DTD1: variants seen among roughly 807,000 people sequenced by gnomAD.
DTD1 encodes D-aminoacyl-tRNA deacylase 1.
A neutral mutation model predicts 25.6 loss-of-function variants in DTD1; 13 were observed. The observed-to-expected ratio is 0.51, with a 90% CI of 0.33 to 0.81. DTD1 has a LOEUF of 0.81. DTD1 is among the 30% of genes least tolerant of loss of function. The pLI is 0.02. For missense variants in DTD1, 193 were observed against 266.4 expected (o/e 0.72, Z 1.92); for synonymous variants, 110 against 103.6 (o/e 1.06, Z -0.37).
intron 2 of DTD1, among the ~76,000 whole-genome samples, chr20:18,595,087 T>C (rs1185310372): frequency 6.6e-6 from 1 of 152,228 alleles, no homozygotes; most frequent in Admixed American, 6.5e-5. Flanking sequence ...AATCTGACCC[T>C]ATAGATGTCA....
chr20:18,656,381 A>G (rs4814770), intron 4 of DTD1, among the ~76,000 whole-genome samples: 47,296 of 152,076 alleles, frequency 0.31, 8,146 homozygotes, highest in South Asian at 0.43. Flanking sequence ...AATAAAAGTT[A>G]ATTTTGCTAA....
intron 4 of DTD1, among the ~76,000 whole-genome samples, chr20:18,708,244 A>ATATATTTTTT (rs370120832): frequency 2.4e-5 from 1 of 41,422 alleles, no homozygotes; most frequent in Non-Finnish European, 3.8e-5. Flanking sequence ...ATATATATAT[A>ATATATTTTTT]ATATATATTA....
At chr20:18,679,319 C>A (rs1231034940) in intron 4 of DTD1, among the ~76,000 whole-genome samples, 1 of 152,136 alleles carries the variant, frequency 6.6e-6, no homozygotes, top group Non-Finnish European at 1.5e-5. Flanking sequence ...ACAAGGTTCC[C>A]TCATAAAGCG....
intron 5 of DTD1, among the ~76,000 whole-genome samples, chr20:18,759,803 TCTC>T: frequency 6.6e-6 from 1 of 152,330 alleles, no homozygotes; most frequent in South Asian, 2.1e-4. Flanking sequence ...TTGGGGAAGT[TCTC>T]CTGGATAATA....
At chr20:18,664,801 C>T (rs2060925234) in intron 4 of DTD1, among the ~76,000 whole-genome samples, 1 of 152,098 alleles carries the variant, frequency 6.6e-6, no homozygotes, top group Admixed American at 6.5e-5. Context: ...GGCCCAGGGG[C>T]TCCTGCTGGT....
chr20:18,603,711 G>A (rs1471728135), intron 3 of DTD1, among the ~76,000 whole-genome samples: 1 of 133,404 alleles, frequency 7.5e-6, no homozygotes, highest in Admixed American at 8.1e-5. Context: ...AAATAAAGAC[G>A]TTCTTTGAAA....
chr20:18,588,193 T>C (rs928352136), intron 1 of DTD1, 78 bp downstream of exon 1: 24 of 1,175,996 alleles, frequency 2.0e-5, no homozygotes, highest in Non-Finnish European at 2.4e-5. Flanking sequence ...GGGGTCTTCC[T>C]GCGCCATCCT....
At chr20:18,753,324 T>C (rs2122532877) in intron 5 of DTD1, among the ~76,000 whole-genome samples, 1 of 152,184 alleles carries the variant, frequency 6.6e-6, no homozygotes, top group East Asian at 1.9e-4. Context: ...AAGATTGACA[T>C]TGGCTGGGTG....
intron 4 of DTD1, among the ~76,000 whole-genome samples, chr20:18,633,768 C>T (rs186202095): frequency 6.6e-6 from 1 of 152,300 alleles, no homozygotes; most frequent in East Asian, 1.9e-4. Context: ...TTTCAAGAAT[C>T]TCAGAGCTCT....
intron 4 of DTD1, among the ~76,000 whole-genome samples, chr20:18,714,866 A>G (rs2061174073): frequency 6.6e-6 from 1 of 152,154 alleles, no homozygotes; most frequent in Non-Finnish European, 1.5e-5. Context: ...CCAAGGAGAA[A>G]CTGGGTGCCG....
intron 4 of DTD1, among the ~76,000 whole-genome samples, chr20:18,649,762 C>T (rs1047814752): frequency 3.9e-5 from 6 of 152,156 alleles, no homozygotes; most frequent in Non-Finnish European, 8.8e-5. Flanking sequence ...AACCCCCATG[C>T]GTTGTGGGCC....
chr20:18,722,704 G>T (rs564922216), intron 4 of DTD1, among the ~76,000 whole-genome samples: 3 of 152,286 alleles, frequency 2.0e-5, no homozygotes, highest in Non-Finnish European at 4.4e-5. Flanking sequence ...TAAAATAAGA[G>T]ACATCATAGC....
intron 4 of DTD1, among the ~76,000 whole-genome samples, chr20:18,656,561 G>A (rs1345827128): frequency 2.0e-5 from 3 of 152,204 alleles, no homozygotes; most frequent in Admixed American, 2.0e-4. Context: ...GAGGCTGGCA[G>A]GTAACACGAA....
intron 1 of DTD1, among the ~76,000 whole-genome samples, 193 bp downstream of exon 1, chr20:18,588,308 G>T (rs2063213801): frequency 6.6e-6 from 1 of 152,028 alleles, no homozygotes; most frequent in African/African-American, 2.4e-5. Flanking sequence ...CGGCCGGAGA[G>T]CCCCCTGCAC....
chr20:18,634,728 G>A (rs2060800742), intron 4 of DTD1, among the ~76,000 whole-genome samples: 1 of 152,166 alleles, frequency 6.6e-6, no homozygotes, highest in South Asian at 2.1e-4. Flanking sequence ...GGGTAAGGGG[G>A]TGTGGGGGAA....
chr20:18,719,225 GTGTGTGTGTGTATATATATA>G (rs2061193337), intron 4 of DTD1, among the ~76,000 whole-genome samples: 1 of 148,236 alleles, frequency 6.7e-6, no homozygotes, highest in Non-Finnish European at 1.5e-5. Context: ...GTATATTTCT[GTGTGTGTGTGTATATATATA>G]TGTGTGTGTG....
intron 4 of DTD1, among the ~76,000 whole-genome samples, chr20:18,709,510 A>G (rs1366856468): frequency 6.6e-6 from 1 of 152,188 alleles, no homozygotes; most frequent in East Asian, 1.9e-4. Context: ...GGTGCAGGTC[A>G]TGGCTATGTC....
rs1231069759 is a variant in DTD1 at position 18,749,321 on chromosome 20, C to T, written c.*19+5050C>T. Among the ~76,000 whole-genome samples, 2 of 152,140 alleles carry T rather than the reference C, an allele frequency of 1.3e-5. No homozygotes were observed. The highest frequency in any genetic ancestry group is 2.9e-5 in the Non-Finnish European group (2 of 68,022). On this transcript the variant is annotated intron_variant, in intron 5 of 5. Transcript: ENST00000377452. The surrounding 1 kb of genome is among the most constrained non-coding windows in gnomAD (Gnocchi z 4.2). Reference sequence around the variant, plus strand: ...GGCCTCAGGGCCTGTGAGAGTGCTGCTCAGCATCGCCGTGGGGTGGGGAAG... The same window carrying T: ...GGCCTCAGGGCCTGTGAGAGTGCTGTTCAGCATCGCCGTGGGGTGGGGAAG...
At chr20:18,699,782 G>A (rs372609512) in intron 4 of DTD1, among the ~76,000 whole-genome samples, 27 of 152,242 alleles carry the variant, frequency 1.8e-4, no homozygotes, top group African/African-American at 5.3e-4. Context: ...GTGTGTGTAC[G>A]TGTGTGTACA....
Sources: gnomAD v4.1 joint callset for allele counts (sites outside exome capture counted in the v4.1 genomes callset) on GRCh38, gnomAD v4.1.1 for gene constraint, Gnocchi (gnomAD v3.1) non-coding constraint, MANE v1.5 for transcripts, NCBI Gene and HGNC (gene_info 2026-07-23, HGNC 2026-07-21) for gene names.